Variants in ARK2N observed in about 807,000 individuals in gnomAD.
ARK2N encodes arkadia (RNF111) N-terminal like PKA signaling regulator 2N, also known as protein ARK2N.
the ARK2N span, among the ~76,000 whole-genome samples, chr18:46,250,347 T>A: frequency 6.6e-6 from 1 of 152,076 alleles, no homozygotes; most frequent in African/African-American, 2.4e-5. Context: ...CATCATGCCC[T>A]GAGCAACCAC....
At chr18:46,218,304 A>G in the ARK2N span, 1 of 152,200 alleles carries the variant, frequency 6.6e-6, no homozygotes, top group African/African-American at 2.4e-5. Context: ...TCTCTTCTGA[A>G]TTGTGTACTA....
the ARK2N span, chr18:46,263,768 A>C: frequency 6.5e-6 from 1 of 152,674 alleles, no homozygotes; most frequent in African/African-American, 2.4e-5. Context: ...AAGGTGACCT[A>C]GTTGTTCTCC....
chr18:46,203,301 T>A, the ARK2N span, among the ~76,000 whole-genome samples: 1 of 152,208 alleles, frequency 6.6e-6, no homozygotes, highest in African/African-American at 2.4e-5. Context: ...TGGAATACTT[T>A]GCAGTGATGA....
chr18:46,213,623 C>T, the ARK2N span, among the ~76,000 whole-genome samples: 1 of 152,198 alleles, frequency 6.6e-6, no homozygotes, highest in Admixed American at 6.5e-5. Flanking sequence ...TAGCCTCCAA[C>T]ATTAGTATTA....
the ARK2N span, among the ~76,000 whole-genome samples, chr18:46,235,084 C>T: frequency 6.6e-6 from 1 of 152,092 alleles, no homozygotes; most frequent in African/African-American, 2.4e-5. Flanking sequence ...TTCCTGTTTC[C>T]TAGATTTAGA....
the ARK2N span, among the ~76,000 whole-genome samples, chr18:46,183,565 C>G: frequency 6.6e-6 from 1 of 152,152 alleles, no homozygotes; most frequent in Non-Finnish European, 1.5e-5. Context: ...CATCCTCTCT[C>G]ATCAGTCCTA....
chr18:46,201,265 G>C, the ARK2N span, among the ~76,000 whole-genome samples: 1 of 152,004 alleles, frequency 6.6e-6, no homozygotes, highest in Non-Finnish European at 1.5e-5. Context: ...GATTGCAAAC[G>C]TGATCTACTA....
At chr18:46,250,378 C>T in the ARK2N span, among the ~76,000 whole-genome samples, 1 of 152,052 alleles carries the variant, frequency 6.6e-6, no homozygotes, top group Admixed American at 6.6e-5. Flanking sequence ...TATTAGTGCA[C>T]TGAATGGCAC....
At chr18:46,192,576 A>C in the ARK2N span, among the ~76,000 whole-genome samples, 1 of 149,432 alleles carries the variant, frequency 6.7e-6, no homozygotes, top group Admixed American at 6.6e-5. Flanking sequence ...ACTCCATCTC[A>C]ATTTTTTTTT....
At chr18:46,209,439 A>G in the ARK2N span, among the ~76,000 whole-genome samples, 1 of 151,882 alleles carries the variant, frequency 6.6e-6, no homozygotes, top group African/African-American at 2.4e-5. Flanking sequence ...TTTATACTTT[A>G]TAGTTCCTGT....
chr18:46,238,924 A>G, the ARK2N span, among the ~76,000 whole-genome samples: 1 of 152,118 alleles, frequency 6.6e-6, no homozygotes, highest in Non-Finnish European at 1.5e-5. Context: ...CATTTGTTGG[A>G]TGATATCTTA....
chr18:46,204,698 C>T, the ARK2N span, among the ~76,000 whole-genome samples: 1 of 152,064 alleles, frequency 6.6e-6, no homozygotes, highest in African/African-American at 2.4e-5. Context: ...TTAGAATACC[C>T]TATTTTACAT....
chr18:46,174,737 GTC>G, the ARK2N span, among the ~76,000 whole-genome samples: 1 of 152,196 alleles, frequency 6.6e-6, no homozygotes, highest in Non-Finnish European at 1.5e-5. Flanking sequence ...CCCTGGAGTT[GTC>G]TTCACGCAAC....
At chr18:46,238,121 A>G in the ARK2N span, among the ~76,000 whole-genome samples, 1 of 152,162 alleles carries the variant, frequency 6.6e-6, no homozygotes, top group Non-Finnish European at 1.5e-5. Flanking sequence ...ACTTTTTTGC[A>G]TGATTATACA....
chr18:46,219,761 G>A, the ARK2N span, among the ~76,000 whole-genome samples: 3 of 152,156 alleles, frequency 2.0e-5, no homozygotes, highest in African/African-American at 7.2e-5. Flanking sequence ...GAGCCACCAC[G>A]CCCGGCCATT....
At chr18:46,253,535 C>T in the ARK2N span, among the ~76,000 whole-genome samples, 4 of 152,188 alleles carry the variant, frequency 2.6e-5, no homozygotes, top group Non-Finnish European at 2.9e-5. Context: ...GAACAAAGAA[C>T]ACTGCCCCAG....
At chr18:46,221,391 CAA>C in the ARK2N span, among the ~76,000 whole-genome samples, 8 of 118,292 alleles carry the variant, frequency 6.8e-5, no homozygotes, top group Admixed American at 1.7e-4. Context: ...ACTAAAAATA[CAA>C]AAAAAAAAAA....
chr18:46,261,269 T>C, the ARK2N span, among the ~76,000 whole-genome samples: 1,874 of 152,314 alleles, frequency 0.012, 48 homozygotes, highest in African/African-American at 0.043. Context: ...TGGAAAGCAT[T>C]GGACCCAAAA....
the ARK2N span, among the ~76,000 whole-genome samples, chr18:46,200,939 A>AG: frequency 7.9e-5 from 12 of 150,972 alleles, no homozygotes; most frequent in Admixed American, 7.9e-4. Flanking sequence ...GGGTGCTAGT[A>AG]GGGCACTACT....
Sources: gnomAD v4.1 joint callset for allele counts (sites outside exome capture counted in the v4.1 genomes callset) on GRCh38, gnomAD v4.1.1 for gene constraint, MANE v1.5 for transcripts, NCBI Gene and HGNC (gene_info 2026-07-23, HGNC 2026-07-21) for gene names.